The following SPAG9 variants were observed in gnomAD, a reference collection of about 807,000 sequenced individuals.
SPAG9 encodes the protein sperm associated antigen 9.
In SPAG9, 35 loss-of-function variants were observed where a neutral mutation model predicts 166.5. The ratio of observed to expected loss-of-function variants is 0.21; its 90% confidence interval spans 0.16 to 0.28. The LOEUF is 0.28. Among genes scored for constraint, SPAG9 ranks in the 10% least tolerant of loss-of-function variants. The pLI, the probability that SPAG9 is intolerant of heterozygous loss-of-function variation, is 1.00. For synonymous variants in SPAG9, 534 were observed against 565.5 expected (o/e 0.94, Z 0.79); for missense variants, 1,235 against 1,603.3 (o/e 0.77, Z 3.92).
chr17:50,992,924 C>T (rs1330659649), intron 19 of SPAG9, among the ~76,000 whole-genome samples: 1 of 151,110 alleles, frequency 6.6e-6, no homozygotes, highest in South Asian at 2.1e-4. Flanking sequence ...GGTGACACCC[C>T]ATTTCTACCA....
In SPAG9 at chr17:51,053,963, G is replaced by T. The variant is rs573705600; in HGVS notation, c.495+2449C>A. 1.3e-4 allele frequency among the ~76,000 whole-genome samples: 18 copies of T among 137,498 alleles called. No homozygotes were observed. In the East Asian group the frequency reaches 3.8e-3, roughly 29 times the overall value. 90.2% of individuals were successfully genotyped at this position (137,498 alleles called of 152,430 possible). A position where few individuals can be genotyped will look rare whatever the true frequency, so the allele number is the denominator to read the frequency against. ...ACTACTTAAGCAAACAGTACATAGA[G>T]TACATTGTTTAGGCACTGAGATGAA... On this transcript the variant is annotated intron_variant, in intron 3 of 29. Coordinates refer to ENST00000262013, the MANE Select transcript of SPAG9 (RefSeq NM_001130528.3).
intron 1 of SPAG9, among the ~76,000 whole-genome samples, chr17:51,085,025 A>G (rs1016862151): frequency 2.0e-5 from 3 of 151,724 alleles, no homozygotes; most frequent in Non-Finnish European, 4.4e-5. Flanking sequence ...TAATTTTGGT[A>G]TTTTTAATAG....
rs146513049 is a variant in SPAG9 at position 51,107,034 on chromosome 17, G to A, written c.303+13320C>T. Among the ~76,000 whole-genome samples the A allele has an allele frequency of 1.4e-3, 205 of 151,702 alleles. 1 individual carries two copies. The highest frequency in any genetic ancestry group is 4.5e-3 in the African/African-American group (188 of 41,360). On this transcript the variant is annotated intron_variant, in intron 1 of 29. Transcript: ENST00000262013. ...GAAGAATCGCTTGAACCCGGGAGGC[G>A]GAGGTTGCAGCGAGCCAAGATCCCG...
In SPAG9 at chr17:51,120,241, A is replaced by T; in HGVS notation, c.303+113T>A. 1 of 955,452 alleles carries T rather than the reference A, an allele frequency of 1.0e-6. No homozygotes were observed. Among genetic ancestry groups the T allele is most frequent in the Non-Finnish European group, 1.5e-6 (1 of 683,856 alleles). The allele number at this position is 955,452 out of a possible 1,614,324, so 59.2% of individuals were successfully genotyped here. ...ATCGGTCCCAGGGGGCATCGGCCTC[A>T]GGCCCGCCCTCCAGGAGGCCCGTCG... On this transcript the variant is annotated intron_variant, in intron 1 of 29. Coordinates refer to ENST00000262013, the MANE Select transcript of SPAG9 (RefSeq NM_001130528.3). This position sits in a 1 kb window ranked among gnomAD's most constrained non-coding sequence, Gnocchi z 4.7.
In SPAG9 at chr17:50,990,661, T is replaced by C. The variant is rs1975467137; in HGVS notation, c.2406A>G (p.Arg802=). 2 of 1,613,730 alleles carry C rather than the reference T, an allele frequency of 1.2e-6. No individual in the cohort carries two copies. The highest frequency in any genetic ancestry group is 1.7e-6 in the Non-Finnish European group (2 of 1,179,606). The change falls in exon 20 of 30, where the codon CGA becomes CGG. Residue 802 remains arginine, a synonymous_variant. Coordinates refer to ENST00000262013, the MANE Select transcript of SPAG9 (RefSeq NM_001130528.3). ...CTTCTCCTGCAGGGTAGTCTGTTTC[T>C]CGTGCACCTGAAAAATAAATCTTCT... is the stretch of plus-strand genomic sequence containing the variant. The part of the protein sequence containing the change: ...VLCIASVPGA[R]ETDYPAGEDL...
rs1042802996 is a variant in SPAG9, at chr17:50,964,145, G to C, written c.*2127C>G. 6.7e-6 allele frequency: 1 copy of C among 149,094 alleles called. No individual in the cohort carries two copies. Among genetic ancestry groups the C allele is most frequent in the Non-Finnish European group, 1.5e-5 (1 of 67,878 alleles). 9.2% of individuals were successfully genotyped at this position (149,094 alleles called of 1,614,324 possible). A position where few individuals can be genotyped will look rare whatever the true frequency, so the allele number is the denominator to read the frequency against. On this transcript the variant is annotated 3_prime_UTR_variant, in exon 30 of 30. Coordinates refer to ENST00000262013, the MANE Select transcript of SPAG9 (RefSeq NM_001130528.3). ...TTTTTACAGACATCTTTGTATAATA[G>C]TCCAGAAAAAAAAAATCAGTGGTAC... is the stretch of plus-strand genomic sequence containing the variant.
intron 8 of SPAG9, among the ~76,000 whole-genome samples, chr17:51,016,495 TTTA>T (rs1268737608): frequency 6.6e-6 from 1 of 152,214 alleles, no homozygotes; most frequent in African/African-American, 2.4e-5. Context: ...ATTGGGGACT[TTTA>T]CATTTATGAA....
At chr17:50,976,033 G>C (rs1483023502) in intron 27 of SPAG9, 1 of 694,574 alleles carries the variant, frequency 1.4e-6, no homozygotes, top group Non-Finnish European at 2.6e-6. Flanking sequence ...AAAATAACAA[G>C]ATCCCACTTG....
At chr17:51,046,869 G>C (rs2047040763) in intron 4 of SPAG9, 21 of 1,527,516 alleles carry the variant, frequency 1.4e-5, no homozygotes, top group Non-Finnish European at 1.8e-5. Flanking sequence ...GCTGCTCCTA[G>C]CATTTATGCA....
At chr17:51,031,403 G>GTGTACCCCACCATGC in intron 6 of SPAG9, 1 of 457,220 alleles carries the variant, frequency 2.2e-6, no homozygotes, top group East Asian at 4.3e-5. Context: ...ATTACATAGA[G>GTGTACCCCACCATGC]CTGGATAAAT....
At chr17:51,017,447 C>T (rs1409334672) in intron 8 of SPAG9, among the ~76,000 whole-genome samples, 2 of 151,594 alleles carry the variant, frequency 1.3e-5, no homozygotes, top group Admixed American at 6.6e-5. Flanking sequence ...TCTGTCAAAA[C>T]AAAGGCATAA....
At chr17:51,062,217 C>G (rs1245822960) in intron 2 of SPAG9, among the ~76,000 whole-genome samples, 1 of 152,120 alleles carries the variant, frequency 6.6e-6, no homozygotes, top group East Asian at 1.9e-4. Context: ...CCTCCCCTAC[C>G]ATCAACATCC....
chr17:50,981,855 C>A (rs1053191604), intron 25 of SPAG9, among the ~76,000 whole-genome samples: 2 of 151,680 alleles, frequency 1.3e-5, no homozygotes, highest in Admixed American at 1.3e-4. Flanking sequence ...CATGGTGAAA[C>A]CCCGTCTCTA....
intron 9 of SPAG9, among the ~76,000 whole-genome samples, 154 bp downstream of exon 9, chr17:51,014,078 T>C (rs1258576024): frequency 1.3e-5 from 2 of 152,372 alleles, no homozygotes; most frequent in East Asian, 3.9e-4. Context: ...AAAACTTTCA[T>C]GATCACAAAG....
At chr17:51,049,018 G>A (rs2091223571) in intron 3 of SPAG9, among the ~76,000 whole-genome samples, 1 of 152,084 alleles carries the variant, frequency 6.6e-6, no homozygotes, top group African/African-American at 2.4e-5. Context: ...AAATCAAACT[G>A]AAACTAATAT....
At chr17:50,970,669 A>G in intron 29 of SPAG9, 38 bp downstream of exon 29, 2 of 1,589,744 alleles carry the variant, frequency 1.3e-6, no homozygotes, top group Non-Finnish European at 1.7e-6. Flanking sequence ...AAGTCATAGC[A>G]CACAGTGCAA....
At chr17:51,025,347 T>G (rs576608718) in intron 6 of SPAG9, among the ~76,000 whole-genome samples, 40 of 96,442 alleles carry the variant, frequency 4.1e-4, no homozygotes, top group African/African-American at 1.5e-3. Context: ...AAAAAAAAAA[T>G]GCTATTTTCT....
chr17:51,110,622 A>G (rs1300958651), intron 1 of SPAG9, among the ~76,000 whole-genome samples: 2 of 152,082 alleles, frequency 1.3e-5, no homozygotes, highest in Non-Finnish European at 2.9e-5. Context: ...CCAAGAGGCA[A>G]CAGTTGCAGT....
At chr17:51,113,444 C>CTGAGGTG in intron 1 of SPAG9, among the ~76,000 whole-genome samples, 1 of 151,492 alleles carries the variant, frequency 6.6e-6, no homozygotes, top group East Asian at 1.9e-4. Flanking sequence ...CTTTGGGAGG[C>CTGAGGTG]CAAGGCAGGT....
Sources: allele counts gnomAD v4.1 joint callset (sites outside exome capture counted in the v4.1 genomes callset), GRCh38; gene constraint gnomAD v4.1.1; non-coding constraint Gnocchi (gnomAD v3.1); transcripts MANE v1.5; gene names NCBI Gene and HGNC (gene_info 2026-07-23, HGNC 2026-07-21).